OVCH1: variants seen among roughly 807,000 people sequenced by gnomAD.
The protein encoded by OVCH1 is ovochymase-1.
A neutral mutation model predicts 138.4 loss-of-function variants in OVCH1; 139 were observed. That is an observed-to-expected ratio of 1.00 (90% CI 0.87 to 1.16). The LOEUF (loss-of-function observed/expected upper bound fraction) is 1.16. Among genes scored for constraint, OVCH1 ranks in the 50% most tolerant of loss-of-function variants. OVCH1 has a pLI of 0.00. For missense variants in OVCH1, 1,367 were observed against 1,357.9 expected, an observed-to-expected ratio of 1.01 and a Z score of -0.11; for synonymous variants, 453 against 467.8, an observed-to-expected ratio of 0.97 and a Z score of 0.41.
At chr12:29,461,660 G>A (rs1488329201) in intron 19 of OVCH1, 194 bp downstream of exon 19, 1 of 718,566 alleles carries the variant, frequency 1.4e-6, no homozygotes, top group Non-Finnish European at 2.4e-6. Flanking sequence ...GCTGCTTCCG[G>A]CCACTCTCTG....
chr12:29,439,471 C>CAAAA, intron 25 of OVCH1: 1 of 1,280,940 alleles, frequency 7.8e-7, no homozygotes, highest in Non-Finnish European at 1.0e-6. Flanking sequence ...AACAAACAAA[C>CAAAA]AAAAAACAAA....
At chr12:29,476,371 G>T in intron 12 of OVCH1, 72 bp from the exon 13 acceptor site, 1 of 1,270,400 alleles carries the variant, frequency 7.9e-7, no homozygotes, top group Non-Finnish European at 1.1e-6. Context: ...GTTTTCCTCT[G>T]TGTATTTAAA....
intron 26 of OVCH1, among the ~76,000 whole-genome samples, chr12:29,434,115 G>A (rs763353670): frequency 1.3e-5 from 2 of 152,222 alleles, no homozygotes; most frequent in South Asian, 2.1e-4. Flanking sequence ...CGGACAAAGC[G>A]TATCTTTCAA....
chr12:29,477,173 A>T (rs762240035), exon 12 of OVCH1: 1 of 1,613,730 alleles, frequency 6.2e-7, no homozygotes, highest in East Asian at 2.2e-5. Flanking sequence ...AAATCAGGAT[A>T]CTTGGCAGAG....
rs1200925467 is a variant in OVCH1, at chr12:29,471,712, CTGGA to C, written c.1856+86_1856+89del. 1.1e-5 allele frequency: 15 copies of C among 1,335,012 alleles called. No homozygotes were observed. In the Admixed American group the frequency reaches 4.4e-4, roughly 39 times the overall value. The allele number at this position is 1,335,012 out of a possible 1,614,324, so 82.7% of individuals were successfully genotyped here. A position where few individuals can be genotyped will look rare whatever the true frequency, so the allele number is the denominator to read the frequency against. On this transcript the variant is annotated intron_variant, in intron 16 of 27. Transcript: ENST00000318184. ...AGAAGATTCTTGCTCTAGAATTAGT[CTGGA>C]TGATCTTAGTAGTCAGCCTTGTGTC...
intron 21 of OVCH1, among the ~76,000 whole-genome samples, chr12:29,453,868 ATCAT>A (rs1396883225): frequency 6.6e-6 from 1 of 152,072 alleles, no homozygotes; most frequent in African/African-American, 2.4e-5. Flanking sequence ...TCAATTTATG[ATCAT>A]TCATCTCAGG....
chr12:29,460,461 C>A (rs1210609128), intron 19 of OVCH1, among the ~76,000 whole-genome samples: 1 of 152,132 alleles, frequency 6.6e-6, no homozygotes, highest in Non-Finnish European at 1.5e-5. Flanking sequence ...GTATTCCTCA[C>A]ATCTTCCAGC....
chr12:29,475,422 C>G (rs545180772), intron 13 of OVCH1, among the ~76,000 whole-genome samples: 1 of 151,866 alleles, frequency 6.6e-6, no homozygotes, highest in African/African-American at 2.4e-5. Flanking sequence ...TTCCAGTACG[C>G]CCGGAAACTC....
At chr12:29,437,689 T>C (rs1019768654) in intron 26 of OVCH1, among the ~76,000 whole-genome samples, 1 of 152,214 alleles carries the variant, frequency 6.6e-6, no homozygotes, top group Non-Finnish European at 1.5e-5. Context: ...AATTTCATTG[T>C]GACAAGAAAC....
intron 8 of OVCH1, among the ~76,000 whole-genome samples, chr12:29,485,317 TAAAAAAAAAAAA>T (rs869216306): frequency 1.6e-4 from 14 of 89,840 alleles, no homozygotes; most frequent in African/African-American, 6.3e-4. Context: ...ACCCAGTCTT[TAAAAAAAAAAAA>T]AAAAAAAAAA....
chr12:29,481,506 T>TA (rs1942933174), intron 8 of OVCH1, among the ~76,000 whole-genome samples: 1 of 152,178 alleles, frequency 6.6e-6, no homozygotes. Context: ...TTGAAGCAAT[T>TA]AAAATCTCAT....
chr12:29,480,545 T>C (rs1942896902), intron 8 of OVCH1, among the ~76,000 whole-genome samples: 2 of 152,232 alleles, frequency 1.3e-5, no homozygotes, highest in South Asian at 4.1e-4. Flanking sequence ...CTGGTCAAGC[T>C]AAGTGAGAGA....
rs758225632 is a variant in OVCH1 at position 29,461,849 on chromosome 12, C to T, written c.2280+5G>A. On this transcript the variant is annotated splice_donor_5th_base_variant and intron_variant, in intron 19 of 27. Transcript: ENST00000318184. ...CCTTCCTGTATAAAACCAGAATCCT[C>T]TCACCTGGCAGAAATCTTTCTCTCC... 3.7e-6 allele frequency: 6 copies of T among 1,613,724 alleles called. No homozygotes were observed. Among genetic ancestry groups the T allele is most frequent in the Middle Eastern group, 3.3e-4 (2 of 6,058 alleles).
chr12:29,409,736 T>C (rs575985952), downstream of OVCH1, among the ~76,000 whole-genome samples: 16 of 152,350 alleles, frequency 1.1e-4, no homozygotes, highest in African/African-American at 3.6e-4. Flanking sequence ...AATTATGTTG[T>C]CAATTTTGGA....
intron 4 of OVCH1, among the ~76,000 whole-genome samples, chr12:29,493,814 GATTCTGATTGTTA>G (rs1350523951): frequency 6.6e-6 from 1 of 152,054 alleles, no homozygotes; most frequent in African/African-American, 2.4e-5. Context: ...TTGAAGGTCT[GATTCTGATTGTTA>G]ATTCTTCAGA....
intron 26 of OVCH1, among the ~76,000 whole-genome samples, chr12:29,435,376 T>A (rs888241859): frequency 1.3e-5 from 2 of 151,290 alleles, no homozygotes. Flanking sequence ...TAAAAACCAC[T>A]TTTTTTTTGA....
chr12:29,496,665 C>A, exon 2 of OVCH1: 2 of 1,609,096 alleles, frequency 1.2e-6, no homozygotes, highest in Non-Finnish European at 1.7e-6. Context: ...GCGAATTCCA[C>A]ACTTCAGTCC....
intron 27 of OVCH1, chr12:29,430,793 C>A (rs930990742): frequency 6.9e-6 from 3 of 432,896 alleles, no homozygotes; most frequent in Admixed American, 4.9e-5. Context: ...GGAGTCTGCA[C>A]ACCAGATTAA....
Position 29,466,381 on chromosome 12 carries a change from T to TGTTAAAAATGTGTTTAAA in OVCH1, c.1857-1163_1857-1162insTTTAAACACATTTTTAAC, listed in dbSNP as rs1565591344. 1.1e-4 allele frequency among the ~76,000 whole-genome samples: 17 copies of TGTTAAAAATGTGTTTAAA among 152,060 alleles called. 1 individual carries two copies. The highest frequency in any genetic ancestry group is 3.9e-4 in the African/African-American group (16 of 41,366). On this transcript the variant is annotated intron_variant, in intron 16 of 27. Transcript: ENST00000318184. Reference sequence around the variant, plus strand: ...AAAAATCTTTGCAAGAAAAAAAGAATATGTTTAAAAAATTATATCTGTGAC... The same window carrying TGTTAAAAATGTGTTTAAA: ...AAAAATCTTTGCAAGAAAAAAAGAATGTTAAAAATGTGTTTAAAATGTTTAAAAAATTATATCTGTGAC...
Sources: gnomAD v4.1 joint callset for allele counts (sites outside exome capture counted in the v4.1 genomes callset) on GRCh38, gnomAD v4.1.1 for gene constraint, MANE v1.5 for transcripts, NCBI Gene and HGNC (gene_info 2026-07-23, HGNC 2026-07-21) for gene names.